SNX16: variants seen among roughly 807,000 people sequenced by gnomAD.
SNX16 encodes the protein sorting nexin 16.
A neutral mutation model predicts 36.7 loss-of-function variants in SNX16; 35 were observed. The ratio of observed to expected loss-of-function variants is 0.95; its 90% CI spans 0.73 to 1.27. SNX16 has a LOEUF of 1.27. SNX16 is among the 50% of genes most tolerant of loss of function. SNX16 has a pLI of 0.00. For synonymous variants in SNX16, 134 were observed against 132.0 expected (o/e 1.02, Z -0.10); for missense variants, 367 against 393.6 (o/e 0.93, Z 0.57).
intron 5 of SNX16, among the ~76,000 whole-genome samples, chr8:81,803,659 T>C (rs766500800): frequency 1.3e-5 from 2 of 152,038 alleles, no homozygotes; most frequent in African/African-American, 2.4e-5. Flanking sequence ...GACATACTAC[T>C]GTAACAGCAT....
At chr8:81,822,786 A>G (rs564788454) in intron 4 of SNX16, among the ~76,000 whole-genome samples, 231 of 151,976 alleles carry the variant, frequency 1.5e-3, no homozygotes, top group Non-Finnish European at 2.8e-3. Flanking sequence ...GATGTCGAGG[A>G]GACAACTGCA....
chr8:81,819,142 A>G (rs1460675235), intron 4 of SNX16, among the ~76,000 whole-genome samples: 1 of 152,146 alleles, frequency 6.6e-6, no homozygotes, highest in Non-Finnish European at 1.5e-5. Context: ...TAGTGTGAAG[A>G]CAAATACATA....
intron 3 of SNX16, among the ~76,000 whole-genome samples, chr8:81,828,790 G>C (rs1172180105): frequency 1.3e-5 from 2 of 152,188 alleles, no homozygotes; most frequent in Non-Finnish European, 2.9e-5. Flanking sequence ...GCTCACTGTT[G>C]CTGGCTTTGA....
intron 4 of SNX16, among the ~76,000 whole-genome samples, chr8:81,817,006 G>A (rs1318837061): frequency 6.6e-6 from 1 of 152,140 alleles, no homozygotes; most frequent in Non-Finnish European, 1.5e-5. Context: ...TAGATATTAT[G>A]CTTCTATCCA....
At chr8:81,822,011 T>C (rs756196648) in intron 4 of SNX16, among the ~76,000 whole-genome samples, 1 of 152,126 alleles carries the variant, frequency 6.6e-6, no homozygotes, top group African/African-American at 2.4e-5. Flanking sequence ...TCAATTCTAT[T>C]GAGACTGGCA....
chr8:81,836,581 ACACTC>A (rs1230972180), intron 2 of SNX16, among the ~76,000 whole-genome samples: 1 of 152,098 alleles, frequency 6.6e-6, no homozygotes, highest in African/African-American at 2.4e-5. Context: ...TCTTTCTCCC[ACACTC>A]CACTTCCAAA....
At chr8:81,828,460 A>AT (rs1418210086) in intron 3 of SNX16, among the ~76,000 whole-genome samples, 1 of 151,898 alleles carries the variant, frequency 6.6e-6, no homozygotes, top group African/African-American at 2.4e-5. Context: ...TGTTTGTTGC[A>AT]TTTTTTACTT....
At chr8:81,838,946 T>C (rs960421499) in intron 2 of SNX16, among the ~76,000 whole-genome samples, 1 of 151,998 alleles carries the variant, frequency 6.6e-6, no homozygotes, top group African/African-American at 2.4e-5. Flanking sequence ...ACAAAAATCA[T>C]GCACAGATAT....
At chr8:81,804,661 A>G (rs556671593) in intron 5 of SNX16, among the ~76,000 whole-genome samples, 79 of 152,138 alleles carry the variant, frequency 5.2e-4, no homozygotes, top group African/African-American at 1.9e-3. Flanking sequence ...AACTTAACAG[A>G]TTTTTCAGAC....
chr8:81,819,249 C>T (rs1810627541), intron 4 of SNX16, among the ~76,000 whole-genome samples: 2 of 151,954 alleles, frequency 1.3e-5, no homozygotes, highest in Non-Finnish European at 2.9e-5. Context: ...AAAGTATTTG[C>T]TGTGCTGATT....
intron 5 of SNX16, among the ~76,000 whole-genome samples, chr8:81,812,049 C>T (rs77596937): frequency 6.6e-6 from 1 of 151,950 alleles, no homozygotes; most frequent in Admixed American, 6.6e-5. Flanking sequence ...ACAAGAGGGG[C>T]TCAACAGGAG....
intron 4 of SNX16, among the ~76,000 whole-genome samples, chr8:81,817,158 T>C (rs922666184): frequency 6.6e-6 from 1 of 152,312 alleles, no homozygotes; most frequent in African/African-American, 2.4e-5. Flanking sequence ...AAGAAACATA[T>C]GGAAGGGTCC....
chr8:81,820,234 T>C (rs11365000), intron 4 of SNX16, among the ~76,000 whole-genome samples: 2 of 143,450 alleles, frequency 1.4e-5, no homozygotes, highest in African/African-American at 5.2e-5. Context: ...AGGAGGGATT[T>C]CCCCCCCTTC....
chr8:81,817,066 G>T (rs1810528840), intron 4 of SNX16, among the ~76,000 whole-genome samples: 1 of 152,116 alleles, frequency 6.6e-6, no homozygotes, highest in African/African-American at 2.4e-5. Flanking sequence ...TGACTCCTAG[G>T]AAATCAATTG....
chr8:81,839,558 G>A (rs1361728200), intron 2 of SNX16, 54 bp downstream of exon 2: 9 of 1,483,472 alleles, frequency 6.1e-6, no homozygotes, highest in Non-Finnish European at 8.2e-6. Flanking sequence ...TTTGAACACA[G>A]AGATTAGCCA....
At position 81,815,356 on chromosome 8, in the gene SNX16, G is replaced by A. The variant is rs760827984; in HGVS notation, c.650C>T (p.Pro217Leu). 28 of 1,612,220 alleles carry A rather than the reference G, an allele frequency of 1.7e-5. 1 individual carries two copies. The highest frequency in any genetic ancestry group is 1.6e-4 in the Middle Eastern group (1 of 6,076). The change falls in exon 5 of 8, where the codon CCG becomes CTG. Residue 217 changes from proline (P) to leucine (L), a missense_variant. Coordinates refer to ENST00000345957, the MANE Select transcript of SNX16 (RefSeq NM_152836.3). ...TTCTTCTAGGCTATCAAATGGACCC[G>A]GTGGATCATCCAAACAAAGAAATTC... is the stretch of plus-strand genomic sequence containing the variant. ...VREFLCLDDP[P>L]GPFDSLEESR...
chr8:81,821,356 G>T (rs1810732533), intron 4 of SNX16, among the ~76,000 whole-genome samples: 2 of 151,574 alleles, frequency 1.3e-5, no homozygotes, highest in African/African-American at 4.9e-5. Flanking sequence ...TAAAAATAGA[G>T]AATTCATTTA....
chr8:81,839,212 A>C (rs1265609095), intron 2 of SNX16, among the ~76,000 whole-genome samples: 4 of 152,284 alleles, frequency 2.6e-5, no homozygotes, highest in East Asian at 3.9e-4. Context: ...TGGGCATGTA[A>C]TTTGGCAAGG....
rs1475287027 is a variant in SNX16 at position 81,801,545 on chromosome 8, T to A, written c.987A>T (p.Val329=). Residue 329 remains valine, a synonymous_variant, in exon 8 of 8, where the codon GTA becomes GTT. Transcript: ENST00000345957. ...CCACTTCTGCTACTTCTATCTCTGATACAGCATTTTCAGGTTCACTAAAAC... is the reference window on the plus strand; with the variant it reads ...CCACTTCTGCTACTTCTATCTCTGAAACAGCATTTTCAGGTTCACTAAAAC... ...CLSFSEPENA[V]SEIEVAEVAY... The A allele has an allele frequency of 6.3e-7, 1 of 1,590,162 alleles. No homozygotes were observed. Among genetic ancestry groups the A allele is most frequent in the Non-Finnish European group, 8.5e-7 (1 of 1,174,596 alleles).
Sources: gnomAD v4.1 joint callset for allele counts (sites outside exome capture counted in the v4.1 genomes callset) on GRCh38, gnomAD v4.1.1 for gene constraint, MANE v1.5 for transcripts, NCBI Gene and HGNC (gene_info 2026-07-23, HGNC 2026-07-21) for gene names.